The following MAML1 variants were observed in gnomAD, a reference collection of about 807,000 sequenced individuals.
MAML1 encodes the protein mastermind like transcriptional coactivator 1.
A neutral mutation model predicts 77.1 loss-of-function variants in MAML1; 14 were observed. The ratio of observed to expected loss-of-function variants is 0.18; its 90% CI spans 0.12 to 0.28. MAML1 has a LOEUF of 0.28. Ranked by LOEUF, MAML1 falls within the 10% of genes least tolerant of loss-of-function variation. The pLI, the probability that MAML1 is intolerant of heterozygous loss-of-function variation, is 1.00. For missense variants in MAML1, 1,217 were observed against 1,327.8 expected (o/e 0.92, Z 1.30); for synonymous variants, 516 against 551.9 (o/e 0.93, Z 0.91).
In MAML1 at chr5:179,771,967, C is replaced by G. The variant is rs1270027785; in HGVS notation, c.2068+724C>G. ...GACCAGGTACGGTTTTATGTATGTG[C>G]TACCTGGGGTCAACGTGGGGTTGAA... On this transcript the variant is annotated intron_variant, in intron 4 of 4. Coordinates refer to ENST00000292599, the MANE Select transcript of MAML1 (RefSeq NM_014757.5). This position sits in a 1 kb window ranked among gnomAD's most constrained non-coding sequence, Gnocchi z 4.7. 6.6e-6 allele frequency among the ~76,000 whole-genome samples: 1 copy of G among 152,222 alleles called. No individual in the cohort carries two copies. The highest frequency in any genetic ancestry group is 1.5e-5 in the Non-Finnish European group (1 of 68,034).
At chr5:179,773,501 G>GCGCACCCCAT (rs1554152506) in intron 4 of MAML1, among the ~76,000 whole-genome samples, 4 of 149,136 alleles carry the variant, frequency 2.7e-5, no homozygotes, top group African/African-American at 1.0e-4. Context: ...TGCTGGCCAG[G>GCGCACCCCAT]CGCGCCCCAT....
At chr5:179,742,900 T>G (rs1394400211) in intron 1 of MAML1, among the ~76,000 whole-genome samples, 1 of 152,184 alleles carries the variant, frequency 6.6e-6, no homozygotes, top group African/African-American at 2.4e-5. Flanking sequence ...GGACTTTGAT[T>G]TCCTTTAGGG....
intron 1 of MAML1, among the ~76,000 whole-genome samples, chr5:179,752,354 T>TATATATATATATAC (rs1554150149): frequency 2.4e-5 from 3 of 125,114 alleles, no homozygotes; most frequent in Non-Finnish European, 4.9e-5. Flanking sequence ...AAAAAAAATA[T>TATATATATATATAC]ATATATATAT....
At chr5:179,767,292 A>G (rs1268527964) in intron 2 of MAML1, among the ~76,000 whole-genome samples, 1 of 152,128 alleles carries the variant, frequency 6.6e-6, no homozygotes, top group Non-Finnish European at 1.5e-5. Context: ...GTTTTCCGCT[A>G]GTGCAGATAA....
At chr5:179,755,378 TTA>T (rs1324116330) in intron 1 of MAML1, among the ~76,000 whole-genome samples, 2 of 152,224 alleles carry the variant, frequency 1.3e-5, no homozygotes, top group Non-Finnish European at 2.9e-5. Context: ...TTGCTGAGCA[TTA>T]GACTTGGCCC....
intron 1 of MAML1, among the ~76,000 whole-genome samples, chr5:179,752,341 A>T (rs1217124147): frequency 9.4e-6 from 1 of 106,640 alleles, no homozygotes; most frequent in Non-Finnish European, 1.8e-5. Context: ...AAAAAAAAAA[A>T]AAAAAAAAAA....
At position 179,775,027 on chromosome 5, in the gene MAML1, A is replaced by G; in HGVS notation, c.*150A>G. 1 of 1,449,900 alleles carries G rather than the reference A, an allele frequency of 6.9e-7. No individual in the cohort carries two copies. The highest frequency in any genetic ancestry group is 2.4e-5 in the East Asian group (1 of 40,926). 89.8% of individuals were successfully genotyped at this position (1,449,900 alleles called of 1,614,324 possible). A position where few individuals can be genotyped will look rare whatever the true frequency, so the allele number is the denominator to read the frequency against. Reference sequence around the variant, plus strand: ...CTCCAGGTGAGGCCTGGCCCTGGGCAGGGTCTGTGGCTGCGCCCCTCAGGC... The same window carrying G: ...CTCCAGGTGAGGCCTGGCCCTGGGCGGGGTCTGTGGCTGCGCCCCTCAGGC... On this transcript the variant is annotated 3_prime_UTR_variant, in exon 5 of 5. Coordinates refer to ENST00000292599, the MANE Select transcript of MAML1 (RefSeq NM_014757.5).
Position 179,774,222 on chromosome 5 carries a change from A to C in MAML1, c.2396A>C (p.Gln799Pro). 1 of 1,613,502 alleles carries C rather than the reference A, an allele frequency of 6.2e-7. No homozygotes were observed. Among genetic ancestry groups the C allele is most frequent in the Non-Finnish European group, 8.5e-7 (1 of 1,179,920 alleles). ...QNTSVSAAYG[Q>P]NSLGSSGLSQ... ...ACCTCCGTCTCAGCTGCCTATGGGC[A>C]GAACTCTCTGGGAAGCTCTGGCCTC... Residue 799 changes from glutamine to proline, a missense_variant, in exon 5 of 5, where the codon CAG (glutamine) becomes CCG (proline). By Grantham distance (76) the Gln-to-Pro change is moderately conservative. Around this residue, in one of 3 missense-constraint regions of MAML1, gnomAD observed 884 missense variants for 949.3 expected, o/e 0.93. Transcript: ENST00000292599.
At chr5:179,764,117 T>G (rs1581941977) in intron 1 of MAML1, among the ~76,000 whole-genome samples, 1 of 152,098 alleles carries the variant, frequency 6.6e-6, no homozygotes, top group Non-Finnish European at 1.5e-5. Context: ...TCGCCGCCCC[T>G]GAACTCCCAG....
intron 1 of MAML1, among the ~76,000 whole-genome samples, chr5:179,747,321 G>A (rs1453347482): frequency 6.6e-6 from 1 of 152,226 alleles, no homozygotes; most frequent in Non-Finnish European, 1.5e-5. Context: ...GTGAGAGTCA[G>A]AAGCTGTATG....
At chr5:179,747,214 G>C (rs1206165411) in intron 1 of MAML1, among the ~76,000 whole-genome samples, 4 of 152,342 alleles carry the variant, frequency 2.6e-5, no homozygotes, top group Non-Finnish European at 5.9e-5. Flanking sequence ...AGCAACTTAA[G>C]AGCAAGACCA....
At position 179,766,123 on chromosome 5, in the gene MAML1, G is replaced by A. The variant is rs1779813238; in HGVS notation, c.1113G>A (p.Gln371=). The A allele has an allele frequency of 1.3e-6, 2 of 1,577,848 alleles. No individual in the cohort carries two copies. Among genetic ancestry groups the A allele is most frequent in the South Asian group, 2.3e-5 (2 of 85,430 alleles). The change falls in exon 2 of 5, where the codon CAG becomes CAA. Residue 371 remains glutamine (Q), a synonymous_variant. Coordinates refer to ENST00000292599, the MANE Select transcript of MAML1 (RefSeq NM_014757.5). The surrounding 1 kb of genome is among the most constrained non-coding windows in gnomAD (Gnocchi z 4.0). The part of the protein sequence containing the change: ...PNLMPASAQA[Q]NAQRALAGVV... ...TGATGCCGGCATCAGCCCAGGCCCA[G>A]AACGCACAAAGAGCCCTTGCAGGTG... is the stretch of plus-strand genomic sequence containing the variant.
Position 179,766,069 on chromosome 5 carries a change from GC to G in MAML1, c.1063del (p.Arg355GlyfsTer9). The G allele has an allele frequency of 1.3e-6, 2 of 1,587,588 alleles. No individual in the cohort carries two copies. Among genetic ancestry groups the G allele is most frequent in the Middle Eastern group, 1.7e-4 (1 of 5,904 alleles). ...AAACCTTATTCCACACCTCTGGTCA[GC>G]CCCGGGCGGACAATCCCAGTCCAAA... ...SQTLFHTSGQ[P>X]RADNPSPNLM... On this transcript the variant is annotated frameshift_variant, in exon 2 of 5. Coordinates refer to ENST00000292599, the MANE Select transcript of MAML1 (RefSeq NM_014757.5). LOFTEE classifies it high-confidence loss of function. This position sits in a 1 kb window ranked among gnomAD's most constrained non-coding sequence, Gnocchi z 4.0.
At chr5:179,737,159 C>T (rs1581921482) in intron 1 of MAML1, among the ~76,000 whole-genome samples, 1 of 152,070 alleles carries the variant, frequency 6.6e-6, no homozygotes, top group Non-Finnish European at 1.5e-5. Context: ...GATATCAGAG[C>T]TTAATCAGAT....
intron 1 of MAML1, among the ~76,000 whole-genome samples, chr5:179,740,249 G>T (rs1236195047): frequency 6.6e-6 from 1 of 152,150 alleles, no homozygotes; most frequent in East Asian, 1.9e-4. Flanking sequence ...GCAGTAGGAA[G>T]CAGTAGCAGG....
intron 1 of MAML1, among the ~76,000 whole-genome samples, chr5:179,755,799 C>G (rs143349410): frequency 1.9e-4 from 28 of 145,122 alleles, no homozygotes; most frequent in African/African-American, 7.2e-4. Flanking sequence ...GAGTCTCATT[C>G]TGTCACCCAT....
In MAML1 at chr5:179,766,198, C is replaced by A. The variant is rs759174011; in HGVS notation, c.1188C>A (p.Ala396=). The A allele has an allele frequency of 7.5e-6, 12 of 1,609,604 alleles. No individual in the cohort carries two copies. Among genetic ancestry groups the A allele is most frequent in the Non-Finnish European group, 1.0e-5 (12 of 1,177,768 alleles). ...GAGGGGCCTCAGAGCTGTCCTCTGC[C>A]CACCAGCTCCAGCAGATCGCTGCCA... ...GPGGASELSS[A]HQLQQIAAKQ... Residue 396 remains alanine, a synonymous_variant, in exon 2 of 5, where the codon GCC becomes GCA. Transcript: ENST00000292599. This position sits in a 1 kb window ranked among gnomAD's most constrained non-coding sequence, Gnocchi z 4.0.
chr5:179,771,785 A>C lies in MAML1; in HGVS notation c.2068+542A>C, dbSNP rs963270817. 6.6e-6 allele frequency among the ~76,000 whole-genome samples: 1 copy of C among 152,168 alleles called. No homozygotes were observed. The highest frequency in any genetic ancestry group is 2.4e-5 in the African/African-American group (1 of 41,440). ...GAACTTCATAGGCCATCCCTCCAGA[A>C]ATGCACAAAGATTTCAGGGAATGGA... On this transcript the variant is annotated intron_variant, in intron 4 of 4. Transcript: ENST00000292599. This position sits in a 1 kb window ranked among gnomAD's most constrained non-coding sequence, Gnocchi z 4.7.
In MAML1 at chr5:179,748,958, T is replaced by G. The variant is rs572417639; in HGVS notation, c.315+15531T>G. ...GAGAAAAAGGTGTTTTTGTTTTTTT[T>G]TTTTTTGTTTTTTGTTTGTTTGTTT... On this transcript the variant is annotated intron_variant, in intron 1 of 4. Transcript: ENST00000292599. 9.1e-4 allele frequency among the ~76,000 whole-genome samples: 138 copies of G among 151,254 alleles called. 1 individual carries two copies. Among genetic ancestry groups the G allele is most frequent in the African/African-American group, 2.9e-3 (119 of 41,176 alleles).
Sources: gnomAD v4.1 joint callset for allele counts (sites outside exome capture counted in the v4.1 genomes callset) on GRCh38, gnomAD v4.1.1 for gene constraint, gnomAD v4.1.1 regional missense constraint, Gnocchi (gnomAD v3.1) non-coding constraint, MANE v1.5 for transcripts, NCBI Gene and HGNC (gene_info 2026-07-23, HGNC 2026-07-21) for gene names.